The following NCKAP1 variants were observed in gnomAD, a reference collection of about 807,000 sequenced individuals.
The protein encoded by NCKAP1 is NCK associated protein 1, also known as nck-associated protein 1.
In NCKAP1, 21 loss-of-function variants were observed where a neutral mutation model predicts 151.2. The observed-to-expected ratio is 0.14, with a 90% CI of 0.10 to 0.20. The LOEUF (loss-of-function observed/expected upper bound fraction) is 0.20. Among genes scored for constraint, NCKAP1 ranks in the 10% least tolerant of loss-of-function variants. The pLI, the probability that NCKAP1 is intolerant of heterozygous loss-of-function variation, is 1.00. For missense variants in NCKAP1, 933 were observed against 1,352.1 expected, an observed-to-expected ratio of 0.69 and a Z score of 4.86; for synonymous variants, 484 against 451.8, an observed-to-expected ratio of 1.07 and a Z score of -0.90.
At position 182,962,283 on chromosome 2, in the gene NCKAP1, G is replaced by GA; in HGVS notation, c.1762-6dup. On this transcript the variant is annotated splice_region_variant and splice_polypyrimidine_tract_variant and intron_variant, in intron 17 of 30. Coordinates refer to ENST00000361354, the MANE Select transcript of NCKAP1 (RefSeq NM_013436.5). The stretch of plus-strand genomic sequence containing the variant: ...GCGATCTCCAATATGATGTCGCTGT[G>GA]AAGGCAGAATAATAATAATAATACA... 6.3e-7 allele frequency: 1 copy of GA among 1,594,698 alleles called. No individual in the cohort carries two copies.
In NCKAP1 at chr2:182,919,608, G is replaced by A. The variant is rs1696518343; in HGVS notation, c.*6094C>T. On this transcript the variant is annotated 3_prime_UTR_variant, in exon 31 of 31. Transcript: ENST00000361354. ...CATTGAATGCTATCAGTTCAAGGGT[G>A]AATATGCCTTCAGAATGCAAGTGCT... The A allele has an allele frequency of 1.3e-5, 2 of 150,702 alleles. No homozygotes were observed. The highest frequency in any genetic ancestry group is 4.9e-5 in the African/African-American group (2 of 41,030). 9.3% of individuals were successfully genotyped at this position (150,702 alleles called of 1,614,324 possible).
intron 11 of NCKAP1, 79 bp from the exon 12 acceptor site, chr2:182,983,006 C>T: frequency 9.3e-7 from 1 of 1,076,668 alleles, no homozygotes; most frequent in Non-Finnish European, 1.3e-6. Flanking sequence ...TGTGAAAAGT[C>T]ATTGGCAAGA....
At chr2:183,001,738 A>G (rs911045482) in intron 6 of NCKAP1, among the ~76,000 whole-genome samples, 1 of 152,224 alleles carries the variant, frequency 6.6e-6, no homozygotes, top group Non-Finnish European at 1.5e-5. Context: ...CTAAAAAACT[A>G]TAATGAAATC....
chr2:183,012,069 T>A (rs1698599329), intron 2 of NCKAP1, among the ~76,000 whole-genome samples: 1 of 152,322 alleles, frequency 6.6e-6, no homozygotes, highest in South Asian at 2.1e-4. Context: ...AAGGTAAATA[T>A]CCAGTTTTTG....
intron 28 of NCKAP1, 65 bp downstream of exon 28, chr2:182,928,718 T>C (rs891006366): frequency 1.7e-6 from 2 of 1,143,842 alleles, no homozygotes; most frequent in Non-Finnish European, 2.5e-6. Flanking sequence ...TTAACTCATA[T>C]TTTATTATAA....
chr2:182,939,078 G>A (rs1025035649), intron 24 of NCKAP1, among the ~76,000 whole-genome samples: 1 of 152,170 alleles, frequency 6.6e-6, no homozygotes, highest in Non-Finnish European at 1.5e-5. Flanking sequence ...ATGAGTTTTC[G>A]AAAGAAAAAA....
At chr2:182,977,006 C>G in intron 14 of NCKAP1, 55 bp from the exon 15 acceptor site, 1 of 1,225,454 alleles carries the variant, frequency 8.2e-7, no homozygotes, top group Non-Finnish European at 1.1e-6. Context: ...TTTTCACAAT[C>G]TATAAGCACA....
chr2:183,028,210 T>C (rs1403736813), intron 1 of NCKAP1, among the ~76,000 whole-genome samples: 1 of 151,562 alleles, frequency 6.6e-6, no homozygotes, highest in African/African-American at 2.4e-5. Flanking sequence ...TTTCAGAGAA[T>C]TGACTAAAAG....
At chr2:182,995,647 T>TA in intron 7 of NCKAP1, 54 bp downstream of exon 7, 2 of 1,538,512 alleles carry the variant, frequency 1.3e-6, no homozygotes, top group Middle Eastern at 1.7e-4. Context: ...ACTGAACTAT[T>TA]ATTTTTTTAA....
At chr2:183,011,204 G>A (rs1333441587) in intron 2 of NCKAP1, among the ~76,000 whole-genome samples, 1 of 152,126 alleles carries the variant, frequency 6.6e-6, no homozygotes, top group Non-Finnish European at 1.5e-5. Flanking sequence ...AACAAGTTTG[G>A]TCATAGGAGA....
chr2:183,003,284 C>T lies in NCKAP1; in HGVS notation c.261G>A (p.Leu87=). Residue 87 remains leucine, a synonymous_variant, in exon 3 of 31, where the codon CTG becomes CTA. Transcript: ENST00000361354. ...AQLQKEKSEI[L]KNLALYYFTF... is the part of the protein sequence containing the mutation. ...TGAAGTAATATAATGCCAGATTTTT[C>T]AGAATCTCTGATTTTTCTTTCTGTA... 6.3e-7 allele frequency: 1 copy of T among 1,599,332 alleles called. No homozygotes were observed. Among genetic ancestry groups the T allele is most frequent in the Non-Finnish European group, 8.5e-7 (1 of 1,172,672 alleles).
At chr2:183,023,096 G>GA (rs1414951298) in intron 2 of NCKAP1, 1 of 151,562 alleles carries the variant, frequency 6.6e-6, no homozygotes, top group Non-Finnish European at 1.5e-5. Context: ...AAATATCAGA[G>GA]AAAAAAATAA....
chr2:182,950,774 C>T (rs78528869), intron 23 of NCKAP1, among the ~76,000 whole-genome samples: 8,247 of 152,112 alleles, frequency 0.054, 298 homozygotes, highest in Non-Finnish European at 0.08. Context: ...AACATTTGTC[C>T]GAAATCAAAG....
In NCKAP1 at chr2:182,925,827, T is replaced by A. The variant is rs754408420; in HGVS notation, c.3271-9A>T. 6.2e-6 allele frequency: 9 copies of A among 1,456,270 alleles called. No homozygotes were observed. Among genetic ancestry groups the A allele is most frequent in the Non-Finnish European group, 8.3e-6 (9 of 1,081,726 alleles). 90.2% of individuals were successfully genotyped at this position (1,456,270 alleles called of 1,614,324 possible). A position where few individuals can be genotyped will look rare whatever the true frequency, so the allele number is the denominator to read the frequency against. On this transcript the variant is annotated splice_polypyrimidine_tract_variant and intron_variant, in intron 30 of 30. Coordinates refer to ENST00000361354, the MANE Select transcript of NCKAP1 (RefSeq NM_013436.5). ...GGAGATTCTTGTACAATCTGTAAAA[T>A]TCAAAAAATCCATCAAAACAAGTTA...
intron 23 of NCKAP1, among the ~76,000 whole-genome samples, chr2:182,948,458 C>T (rs1414442238): frequency 2.6e-5 from 4 of 152,132 alleles, no homozygotes; most frequent in Admixed American, 2.6e-4. Flanking sequence ...AATACAGCCA[C>T]TCCAAAATAT....
chr2:183,011,880 A>G (rs1227156725), intron 2 of NCKAP1, among the ~76,000 whole-genome samples: 1 of 152,210 alleles, frequency 6.6e-6, no homozygotes, highest in Non-Finnish European at 1.5e-5. Context: ...TATTCAGACA[A>G]CAAATATCTT....
chr2:182,980,667 A>ATATGAAATCTT (rs1697918370), intron 13 of NCKAP1, among the ~76,000 whole-genome samples: 1 of 152,202 alleles, frequency 6.6e-6, no homozygotes, highest in East Asian at 1.9e-4. Context: ...GGGAATGTCT[A>ATATGAAATCTT]TATGAAATCT....
intron 23 of NCKAP1, among the ~76,000 whole-genome samples, chr2:182,947,838 T>C (rs1055418737): frequency 6.6e-6 from 1 of 152,170 alleles, no homozygotes; most frequent in East Asian, 1.9e-4. Context: ...AATTTATCTA[T>C]ATGAAACATC....
At chr2:182,952,357 T>G (rs756573381) in intron 23 of NCKAP1, 48 bp downstream of exon 23, 1 of 1,248,338 alleles carries the variant, frequency 8.0e-7, no homozygotes, top group South Asian at 1.4e-5. Flanking sequence ...CTGAAATGTT[T>G]TTCAGGAATT....
Sources: allele counts gnomAD v4.1 joint callset (sites outside exome capture counted in the v4.1 genomes callset), GRCh38; gene constraint gnomAD v4.1.1; transcripts MANE v1.5; gene names NCBI Gene and HGNC (gene_info 2026-07-23, HGNC 2026-07-21).